SLC4A2: variants seen among roughly 807,000 people sequenced by gnomAD.
SLC4A2 encodes anion exchange protein 2.
A neutral mutation model predicts 115.0 loss-of-function variants in SLC4A2; 36 were observed. The observed-to-expected ratio is 0.31, with a 90% confidence interval of 0.24 to 0.41. The LOEUF is 0.41. Among genes scored for constraint, SLC4A2 ranks in the 10% least tolerant of loss-of-function variants. SLC4A2 has a pLI of 1.00. For missense variants in SLC4A2, 1,252 were observed against 1,705.6 expected, an observed-to-expected ratio of 0.73 and a Z score of 4.68; for synonymous variants, 708 against 708.3, an observed-to-expected ratio of 1.00 and a Z score of 0.01.
At chr7:151,061,265 CAGTG>C in intron 1 of SLC4A2, 1 of 151,930 alleles carries the variant, frequency 6.6e-6, no homozygotes, top group East Asian at 2.0e-4. Context: ...TCCTCTCTCT[CAGTG>C]AGTGAGTGGA....
chr7:151,066,892 G>T lies in SLC4A2; in HGVS notation c.865G>T (p.Val289Leu), dbSNP rs780268615. 1 of 1,613,738 alleles carries T rather than the reference G, an allele frequency of 6.2e-7. No homozygotes were observed. Among genetic ancestry groups the T allele is most frequent in the Non-Finnish European group, 8.5e-7 (1 of 1,179,830 alleles). Residue 289 changes from valine to leucine, a missense_variant, in exon 7 of 23, where the codon GTG (valine) becomes TTG (leucine). This residue lies in a region of SLC4A2 where 42 missense variants were observed against 93.1 expected (regional missense o/e 0.45). Transcript: ENST00000413384. ...EDVPGVRRHL[V>L]RKNAKGSTQS... ...CGTTCCTGGGGTGCGGCGGCACTTG[G>T]TGCGGAAGAATGCCAAAGGTTCCAC...
At chr7:151,069,140 C>CAAAAAAAGAAAAAAAAAAAAA (rs1797338425) in intron 8 of SLC4A2, among the ~76,000 whole-genome samples, 1 of 40,950 alleles carries the variant, frequency 2.4e-5, no homozygotes. Flanking sequence ...CTCTTATCAC[C>CAAAAAAAGAAAAAAAAAAAAA]AAAAAAAAAA....
At chr7:151,062,675 C>T in intron 2 of SLC4A2, 2 of 1,510,416 alleles carry the variant, frequency 1.3e-6, no homozygotes, top group Non-Finnish European at 1.8e-6. Flanking sequence ...TGCGAGGGGT[C>T]TGCGACCCTC....
At position 151,076,330 on chromosome 7, in the gene SLC4A2, G is replaced by GTT; in HGVS notation, c.3690_3691insTT (p.Val1231LeufsTer47). On this transcript the variant is annotated frameshift_variant, in exon 23 of 23. Transcript: ENST00000413384. LOFTEE classifies it high-confidence loss of function. Reference sequence around the variant, plus strand: ...GAGCCGGTGTTTGATGAGCGGGAGGGTGTGGACGAGTACAATGAGATGCCC... The same window carrying GTT: ...GAGCCGGTGTTTGATGAGCGGGAGGGTTTGTGGACGAGTACAATGAGATGCCC... 1.3e-6 allele frequency: 2 copies of GTT among 1,536,386 alleles called. No individual in the cohort carries two copies. Among genetic ancestry groups the GTT allele is most frequent in the Non-Finnish European group, 1.8e-6 (2 of 1,140,028 alleles).
intron 5 of SLC4A2, among the ~76,000 whole-genome samples, chr7:151,065,503 C>T (rs1416882886): frequency 6.6e-6 from 1 of 152,184 alleles, no homozygotes; most frequent in African/African-American, 2.4e-5. Context: ...GGCAAAGTGT[C>T]AGTACCAGTG....
In SLC4A2 at chr7:151,064,907, C is replaced by T; in HGVS notation, c.519C>T (p.Ser173=). Residue 173 remains serine, a synonymous_variant, in exon 5 of 23, where the codon TCC becomes TCT. Transcript: ENST00000413384. ...DRKAERTSPS[S]PAPLPHQEAT... Reference sequence around the variant, plus strand: ...AGGCAGAGAGGACCAGTCCATCTTCCCCTGCACCACTGCCCCACCAGGAGG... The same window carrying T: ...AGGCAGAGAGGACCAGTCCATCTTCTCCTGCACCACTGCCCCACCAGGAGG... 6.2e-7 allele frequency: 1 copy of T among 1,614,024 alleles called. No homozygotes were observed. Among genetic ancestry groups the T allele is most frequent in the Non-Finnish European group, 8.5e-7 (1 of 1,180,000 alleles).
intron 16 of SLC4A2, among the ~76,000 whole-genome samples, chr7:151,073,428 A>C (rs1470484706): frequency 6.6e-6 from 1 of 151,980 alleles, no homozygotes; most frequent in African/African-American, 2.4e-5. Flanking sequence ...CTGGAATTAC[A>C]GGTGCCCACC....
chr7:151,063,927 C>T (rs1438466824), intron 2 of SLC4A2, among the ~76,000 whole-genome samples: 1 of 152,056 alleles, frequency 6.6e-6, no homozygotes, highest in African/African-American at 2.4e-5. Flanking sequence ...TGGGGTTTCA[C>T]CATGTTGGTC....
In SLC4A2 at chr7:151,076,383, A is replaced by C. The variant is rs1436493968; in HGVS notation, c.*16A>C. ...GCCTGTGTAGCCGCCACCGAGGGAC[A>C]GCCGAGGGACCGATGGACGAGGGGA... On this transcript the variant is annotated 3_prime_UTR_variant, in exon 23 of 23. Coordinates refer to ENST00000413384, the MANE Select transcript of SLC4A2 (RefSeq NM_003040.4). 1 of 1,484,698 alleles carries C rather than the reference A, an allele frequency of 6.7e-7. No individual in the cohort carries two copies. Among genetic ancestry groups the C allele is most frequent in the Non-Finnish European group, 9.0e-7 (1 of 1,116,566 alleles). 92.0% of individuals were successfully genotyped at this position (1,484,698 alleles called of 1,614,324 possible). A position where few individuals can be genotyped will look rare whatever the true frequency, so the allele number is the denominator to read the frequency against.
At chr7:151,067,730 T>G in intron 7 of SLC4A2, 144 bp from the exon 8 acceptor site, 1 of 615,636 alleles carries the variant, frequency 1.6e-6, no homozygotes, top group Non-Finnish European at 2.8e-6. Context: ...CAGCTGGCTG[T>G]GGGACTGGTG....
intron 8 of SLC4A2, among the ~76,000 whole-genome samples, chr7:151,068,274 G>A (rs934936613): frequency 7.2e-5 from 11 of 152,210 alleles, no homozygotes; most frequent in African/African-American, 2.7e-4. Context: ...TGTTCGAGAA[G>A]CTATTTAGAT....
At chr7:151,065,432 A>G (rs1797196229) in intron 5 of SLC4A2, among the ~76,000 whole-genome samples, 1 of 152,106 alleles carries the variant, frequency 6.6e-6, no homozygotes, top group Admixed American at 6.5e-5. Flanking sequence ...CTGGTTGGAA[A>G]CCAGATGTTA....
intron 8 of SLC4A2, among the ~76,000 whole-genome samples, chr7:151,068,688 T>A (rs577303083): frequency 1.1e-4 from 17 of 152,104 alleles, no homozygotes; most frequent in Middle Eastern, 3.4e-3. Context: ...CCTGCCTAAT[T>A]GTTTTATTTT....
intron 2 of SLC4A2, chr7:151,063,212 G>T: frequency 1.6e-6 from 2 of 1,261,980 alleles, no homozygotes; most frequent in Non-Finnish European, 2.1e-6. Context: ...GGGGTGGGGT[G>T]AGGGGTGGGG....
upstream of SLC4A2, chr7:151,058,345 C>T: frequency 5.3e-6 from 1 of 188,596 alleles, no homozygotes; most frequent in South Asian, 8.8e-5. Context: ...CAGCGCTGAC[C>T]TGGTTGGTGG....
chr7:151,062,791 C>G (rs975653685), intron 2 of SLC4A2: 3 of 1,370,440 alleles, frequency 2.2e-6, no homozygotes, highest in Non-Finnish European at 2.8e-6. Flanking sequence ...AGGAGATGGA[C>G]AGGAGCCTTC....
Position 151,071,130 on chromosome 7 carries a change from A to G in SLC4A2, c.1808A>G (p.Asn603Ser), listed in dbSNP as rs371276430. The change falls in exon 13 of 23, where the codon AAC becomes AGC. Residue 603 changes from asparagine to serine, a missense_variant. This residue lies in a region of SLC4A2 where 87 missense variants were observed against 170.3 expected (regional missense o/e 0.51). Coordinates refer to ENST00000413384, the MANE Select transcript of SLC4A2 (RefSeq NM_003040.4). The surrounding 1 kb of genome is among the most constrained non-coding windows in gnomAD (Gnocchi z 5.5). Reference sequence around the variant, plus strand: ...CGGGAGGACCTGCTGACGGCCATCAACGCCTTCCTGGACTGCAGCGTGGTG... The same window carrying G: ...CGGGAGGACCTGCTGACGGCCATCAGCGCCTTCCTGGACTGCAGCGTGGTG... ...DEREDLLTAI[N>S]AFLDCSVVLP... 4.3e-6 allele frequency: 7 copies of G among 1,612,766 alleles called. No individual in the cohort carries two copies. In the East Asian group the frequency reaches 6.7e-5, roughly 15 times the overall value.
chr7:151,075,232 A>G, intron 19 of SLC4A2, 23 bp from the exon 20 acceptor site: 7 of 1,611,094 alleles, frequency 4.3e-6, no homozygotes, highest in Non-Finnish European at 5.9e-6. Flanking sequence ...CCTGGGCCTC[A>G]GCAGCACCCC....
intron 2 of SLC4A2, chr7:151,062,802 C>G (rs1797096860): frequency 7.3e-7 from 1 of 1,367,532 alleles, no homozygotes. Flanking sequence ...AGGAGCCTTC[C>G]TCACAGAGGG....
Sources: allele counts gnomAD v4.1 joint callset (sites outside exome capture counted in the v4.1 genomes callset), GRCh38; gene constraint gnomAD v4.1.1; regional missense constraint gnomAD v4.1.1; non-coding constraint Gnocchi (gnomAD v3.1); transcripts MANE v1.5; gene names NCBI Gene and HGNC (gene_info 2026-07-23, HGNC 2026-07-21).